The following PPP1R9A variants were observed in gnomAD, a reference collection of about 807,000 sequenced individuals.
The protein encoded by PPP1R9A is neurabin-1.
Under a neutral mutation model 141.9 loss-of-function variants are expected in PPP1R9A, and 59 were observed. That is an observed-to-expected ratio of 0.42 (90% confidence interval 0.34 to 0.52). The LOEUF (loss-of-function observed/expected upper bound fraction) is 0.52. Ranked by LOEUF, PPP1R9A falls within the 20% of genes least tolerant of loss-of-function variation. The pLI is 0.10. For synonymous variants in PPP1R9A, 500 were observed against 569.7 expected, an observed-to-expected ratio of 0.88 and a Z score of 1.74; for missense variants, 1,444 against 1,611.9, an observed-to-expected ratio of 0.90 and a Z score of 1.78.
At chr7:94,961,509 G>A (rs1050239984) in intron 2 of PPP1R9A, among the ~76,000 whole-genome samples, 3 of 151,636 alleles carry the variant, frequency 2.0e-5, no homozygotes, top group Non-Finnish European at 4.4e-5. Context: ...AAGACTGTGA[G>A]GTTCCTTATA....
chr7:95,137,911 T>C (rs975400417), intron 4 of PPP1R9A, among the ~76,000 whole-genome samples: 3 of 151,692 alleles, frequency 2.0e-5, no homozygotes, highest in African/African-American at 7.3e-5. Flanking sequence ...TGAAAACATA[T>C]AGTCAGTTGA....
At chr7:95,162,995 G>A (rs956784062) in intron 5 of PPP1R9A, among the ~76,000 whole-genome samples, 1 of 152,168 alleles carries the variant, frequency 6.6e-6, no homozygotes, top group Non-Finnish European at 1.5e-5. Context: ...ACTGTGTGGT[G>A]CTCTCTGAGT....
At chr7:95,269,700 G>C (rs1801866041) in intron 14 of PPP1R9A, among the ~76,000 whole-genome samples, 193 bp downstream of exon 14, 1 of 151,918 alleles carries the variant, frequency 6.6e-6, no homozygotes, top group African/African-American at 2.4e-5. Flanking sequence ...TTTCCTATCT[G>C]GTTCAGTATT....
intron 7 of PPP1R9A, among the ~76,000 whole-genome samples, chr7:95,218,584 T>A (rs1793878715): frequency 6.6e-6 from 1 of 152,140 alleles, no homozygotes; most frequent in South Asian, 2.1e-4. Flanking sequence ...AGTCTCCCAT[T>A]ATTATTGTGT....
intron 12 of PPP1R9A, among the ~76,000 whole-genome samples, chr7:95,259,899 T>A (rs1261314803): frequency 4.6e-5 from 7 of 152,150 alleles, no homozygotes; most frequent in South Asian, 2.1e-4. Context: ...TCAGCCTTTT[T>A]AAAAATATAT....
At chr7:94,955,606 A>T (rs560913417) in intron 2 of PPP1R9A, among the ~76,000 whole-genome samples, 1 of 152,142 alleles carries the variant, frequency 6.6e-6, no homozygotes, top group African/African-American at 2.4e-5. Flanking sequence ...TGAAACGGGT[A>T]TAGCTATTCT....
At chr7:95,229,518 C>T (rs1008677526) in intron 8 of PPP1R9A, among the ~76,000 whole-genome samples, 8 of 151,912 alleles carry the variant, frequency 5.3e-5, no homozygotes, top group Admixed American at 1.3e-4. Flanking sequence ...TCCCTGGTGG[C>T]GTATATGACT....
chr7:95,108,186 A>G (rs1385088934), intron 2 of PPP1R9A, among the ~76,000 whole-genome samples: 1 of 151,520 alleles, frequency 6.6e-6, no homozygotes, highest in East Asian at 1.9e-4. Flanking sequence ...TTCTTTTTCA[A>G]TAATTTGCAG....
chr7:95,020,212 G>A (rs1805730789), intron 2 of PPP1R9A, among the ~76,000 whole-genome samples: 1 of 152,102 alleles, frequency 6.6e-6, no homozygotes, highest in African/African-American at 2.4e-5. Context: ...TGGAAACAGG[G>A]TACAGTGAGA....
intron 2 of PPP1R9A, among the ~76,000 whole-genome samples, chr7:95,041,938 A>G (rs1300637161): frequency 6.6e-6 from 1 of 152,100 alleles, no homozygotes; most frequent in African/African-American, 2.4e-5. Flanking sequence ...TTTACATGGC[A>G]CCTTTATTTA....
chr7:95,133,901 G>T (rs147273217), intron 4 of PPP1R9A, among the ~76,000 whole-genome samples: 1 of 152,136 alleles, frequency 6.6e-6, no homozygotes, highest in African/African-American at 2.4e-5. Context: ...TGTTTCCCAG[G>T]CTGGTCTTGA....
chr7:94,941,555 C>T (rs1157598347), intron 2 of PPP1R9A, among the ~76,000 whole-genome samples: 2 of 151,626 alleles, frequency 1.3e-5, no homozygotes, highest in Admixed American at 1.3e-4. Context: ...TATCTAAATG[C>T]TCTTAAAGTA....
chr7:94,994,711 T>C (rs1801947025), intron 2 of PPP1R9A, among the ~76,000 whole-genome samples: 1 of 151,938 alleles, frequency 6.6e-6, no homozygotes. Context: ...CTGGCCAACA[T>C]GGTGAAACCC....
At chr7:95,287,947 C>T (rs1472037596) in intron 18 of PPP1R9A, among the ~76,000 whole-genome samples, 1 of 152,176 alleles carries the variant, frequency 6.6e-6, no homozygotes, top group Non-Finnish European at 1.5e-5. Context: ...TTCAGCCTCC[C>T]GAAGTGCTGG....
intron 2 of PPP1R9A, among the ~76,000 whole-genome samples, chr7:94,993,539 T>TTTG (rs1801780828): frequency 6.6e-6 from 1 of 152,200 alleles, no homozygotes; most frequent in Non-Finnish European, 1.5e-5. Flanking sequence ...TGTAGCTCTA[T>TTTG]TTGTATAGGT....
chr7:94,969,713 A>G (rs960958046), intron 2 of PPP1R9A, among the ~76,000 whole-genome samples: 5 of 152,156 alleles, frequency 3.3e-5, no homozygotes, highest in Non-Finnish European at 7.4e-5. Context: ...GCTGGCAGGC[A>G]GGAGTGTTTA....
At chr7:95,132,132 A>G (rs1047428739) in intron 4 of PPP1R9A, among the ~76,000 whole-genome samples, 11 of 152,170 alleles carry the variant, frequency 7.2e-5, no homozygotes, top group Admixed American at 5.9e-4. Context: ...TATATTGTCC[A>G]TGAAGATAGT....
intron 2 of PPP1R9A, among the ~76,000 whole-genome samples, chr7:95,066,136 T>A (rs1048817012): frequency 6.6e-6 from 1 of 152,198 alleles, no homozygotes; most frequent in Non-Finnish European, 1.5e-5. Flanking sequence ...TTGGCTGTCA[T>A]ACAATCTGAC....
chr7:95,261,865 T>C (rs1303437102), intron 12 of PPP1R9A, among the ~76,000 whole-genome samples: 1 of 152,180 alleles, frequency 6.6e-6, no homozygotes, highest in African/African-American at 2.4e-5. Context: ...CTTCCAAGGA[T>C]TGTGAACCTT....
Sources: gnomAD v4.1 joint callset for allele counts (sites outside exome capture counted in the v4.1 genomes callset) on GRCh38, gnomAD v4.1.1 for gene constraint, MANE v1.5 for transcripts, NCBI Gene and HGNC (gene_info 2026-07-23, HGNC 2026-07-21) for gene names.